METTL4: variants seen among roughly 807,000 people sequenced by gnomAD.
METTL4 encodes methyltransferase 4, N6-adenosine.
METTL4 carries 40 observed loss-of-function variants against 54.0 expected under a neutral mutation model. The observed-to-expected ratio is 0.74, with a 90% CI of 0.58 to 0.96. The LOEUF (loss-of-function observed/expected upper bound fraction) is 0.96, where lower values mean the gene tolerates loss of function less well. METTL4 is among the 50% of genes least tolerant of loss of function. METTL4 has a pLI of 0.00. For synonymous variants in METTL4, 169 were observed against 183.8 expected (o/e 0.92, Z 0.65); for missense variants, 525 against 549.0 (o/e 0.96, Z 0.44).
intron 3 of METTL4, chr18:2,562,010 C>T (rs1304202305): frequency 1.3e-5 from 2 of 152,040 alleles, no homozygotes; most frequent in Non-Finnish European, 2.9e-5. Flanking sequence ...CATTTAAAAC[C>T]CAATGTGTTT....
In METTL4 at chr18:2,552,677, G is replaced by C; in HGVS notation, c.899+18C>G. 6.3e-7 allele frequency: 1 copy of C among 1,577,730 alleles called. No homozygotes were observed. On this transcript the variant is annotated intron_variant, in intron 5 of 8. Coordinates refer to ENST00000574538, the MANE Select transcript of METTL4 (RefSeq NM_022840.5). ...ACTACAGTTTTTTTAGAAAGCAAAT[G>C]CTTTCATTTCCACTTACCTATTACT...
intron 6 of METTL4, among the ~76,000 whole-genome samples, chr18:2,546,213 C>T (rs1441606610): frequency 6.6e-6 from 1 of 152,068 alleles, no homozygotes; most frequent in Non-Finnish European, 1.5e-5. Context: ...CACAGTTTCA[C>T]TTTCCAGGTT....
rs2143450449 is a variant in METTL4 at position 2,538,452 on chromosome 18, T to C, written c.*548A>G. ...AAGTGGATGACATAAGTGAGCAGCA[T>C]GGTGGCAGTGGTACTGTGGCAAAGT... On this transcript the variant is annotated 3_prime_UTR_variant, in exon 9 of 9. Coordinates refer to ENST00000574538, the MANE Select transcript of METTL4 (RefSeq NM_022840.5). 1 of 153,256 alleles carries C rather than the reference T, an allele frequency of 6.5e-6. No individual in the cohort carries two copies. The highest frequency in any genetic ancestry group is 2.1e-4 in the South Asian group (1 of 4,860). The allele number at this position is 153,256 out of a possible 1,614,324, so 9.5% of individuals were successfully genotyped here.
intron 5 of METTL4, among the ~76,000 whole-genome samples, chr18:2,552,383 C>G (rs1331119926): frequency 1.3e-5 from 2 of 152,106 alleles, no homozygotes; most frequent in African/African-American, 4.8e-5. Flanking sequence ...CTAGAAATAT[C>G]TTGGCACATA....
In METTL4 at chr18:2,538,119, C is replaced by G. The variant is rs916255217; in HGVS notation, c.*881G>C. 5.1e-6 allele frequency: 2 copies of G among 392,166 alleles called. No individual in the cohort carries two copies. Among genetic ancestry groups the G allele is most frequent in the South Asian group, 1.4e-4 (1 of 6,992 alleles). 24.3% of individuals were successfully genotyped at this position (392,166 alleles called of 1,614,324 possible). A position where few individuals can be genotyped will look rare whatever the true frequency, so the allele number is the denominator to read the frequency against. On this transcript the variant is annotated 3_prime_UTR_variant, in exon 9 of 9. Transcript: ENST00000574538. ...TAAATCAATATGCATTTCAAAGAAT[C>G]ATTTCAGTCAAAATATTTTACTTGG...
At position 2,567,298 on chromosome 18, in the gene METTL4, T is replaced by C. The variant is rs1236763230; in HGVS notation, c.-82A>G. 4 of 1,314,536 alleles carry C rather than the reference T, an allele frequency of 3.0e-6. No homozygotes were observed. Among genetic ancestry groups the C allele is most frequent in the Non-Finnish European group, 4.2e-6 (4 of 956,332 alleles). The allele number at this position is 1,314,536 out of a possible 1,614,324, so 81.4% of individuals were successfully genotyped here. ...CCAGATCAGCTTCTTAAATATCTTG[T>C]ATTTCAATAAACATACACTTCATAC... On this transcript the variant is annotated 5_prime_UTR_variant, in exon 2 of 9. It adds an upstream start codon to the 5' untranslated region. Transcript: ENST00000574538.
rs780411881 is a variant in METTL4, at chr18:2,539,058, T to C, written c.1361A>G (p.Asn454Ser). The change falls in exon 9 of 9, where the codon AAT becomes AGT. Residue 454 changes from asparagine (N) to serine (S), a missense_variant. Physicochemically the swap from Asn to Ser is conservative, Grantham distance 46 (BLOSUM62 1). Coordinates refer to ENST00000574538, the MANE Select transcript of METTL4 (RefSeq NM_022840.5). Reference sequence around the variant, plus strand: ...CACATGCTGAAATTTGAGAACTTCATTGCCCCAACTAGTCCAACCTGGCTG... The same window carrying C: ...CACATGCTGAAATTTGAGAACTTCACTGCCCCAACTAGTCCAACCTGGCTG... ...NLQPGWTSWG[N>S]EVLKFQHVDY... 1.9e-6 allele frequency: 3 copies of C among 1,614,012 alleles called. No homozygotes were observed. Among genetic ancestry groups the C allele is most frequent in the East Asian group, 4.5e-5 (2 of 44,862 alleles).
chr18:2,566,046 C>CAAA (rs143395336), intron 2 of METTL4, among the ~76,000 whole-genome samples: 41,621 of 82,680 alleles, frequency 0.5, 7,958 homozygotes, highest in East Asian at 0.65. Flanking sequence ...GACTCTGTCT[C>CAAA]AAATAAATAA....
chr18:2,570,290 C>T (rs932894878), intron 1 of METTL4, among the ~76,000 whole-genome samples: 3 of 152,162 alleles, frequency 2.0e-5, no homozygotes, highest in African/African-American at 7.2e-5. Flanking sequence ...TTGGGGTGCA[C>T]AGCAGGAATA....
At chr18:2,562,543 A>G (rs754416484) in intron 3 of METTL4, among the ~76,000 whole-genome samples, 2 of 152,250 alleles carry the variant, frequency 1.3e-5, no homozygotes, top group Non-Finnish European at 2.9e-5. Context: ...GAACAAATAA[A>G]TGAATAAACA....
At position 2,567,429 on chromosome 18, in the gene METTL4, T is replaced by A; in HGVS notation, c.-213A>T. On this transcript the variant is annotated 5_prime_UTR_variant, in exon 2 of 9. Coordinates refer to ENST00000574538, the MANE Select transcript of METTL4 (RefSeq NM_022840.5). ...ACAGAAATTCTAAGGAAAATTGCAA[T>A]GTTTTAATATAAACTTTCTTTTTAA... The A allele has an allele frequency of 2.6e-6, 1 of 382,074 alleles. No homozygotes were observed. Among genetic ancestry groups the A allele is most frequent in the Non-Finnish European group, 4.6e-6 (1 of 218,598 alleles). The allele number at this position is 382,074 out of a possible 1,614,324, so 23.7% of individuals were successfully genotyped here. A position where few individuals can be genotyped will look rare whatever the true frequency, so the allele number is the denominator to read the frequency against.
rs1329647728 is a variant in METTL4, at chr18:2,544,227, CA to C, written c.1240del (p.Cys414ValfsTer14). Reference protein sequence around the residue: ...PDHKLIVSVPCTLHSHKPPLA... With the variant: ...PDHKLIVSVPXTLHSHKPPLA... ...CGGTGGCTTATGTGAGTGAAGAGTA[CA>C]GGGCACGCTGACAATTAATTTGTGG... On this transcript the variant is annotated frameshift_variant, in exon 8 of 9. Transcript: ENST00000574538. LOFTEE classifies it high-confidence loss of function. 1 of 1,613,072 alleles carries C rather than the reference CA, an allele frequency of 6.2e-7. No individual in the cohort carries two copies. The highest frequency in any genetic ancestry group is 1.1e-5 in the South Asian group (1 of 90,906).
At chr18:2,543,740 C>T (rs2072028392) in intron 8 of METTL4, among the ~76,000 whole-genome samples, 1 of 152,150 alleles carries the variant, frequency 6.6e-6, no homozygotes. Flanking sequence ...TGTCAATGTT[C>T]CAGAAAAGCA....
At chr18:2,542,822 T>A (rs1285923609) in intron 8 of METTL4, among the ~76,000 whole-genome samples, 3 of 152,106 alleles carry the variant, frequency 2.0e-5, no homozygotes, top group African/African-American at 7.2e-5. Context: ...TCAAATGAAG[T>A]AATACTATAA....
At chr18:2,565,646 C>G (rs1218088844) in intron 2 of METTL4, among the ~76,000 whole-genome samples, 2 of 152,126 alleles carry the variant, frequency 1.3e-5, no homozygotes, top group East Asian at 1.9e-4. Flanking sequence ...TATCTTTCTT[C>G]TTCACCGAAT....
At position 2,538,236 on chromosome 18, in the gene METTL4, C is replaced by T. The variant is rs1445008256; in HGVS notation, c.*764G>A. The T allele has an allele frequency of 3.8e-6, 1 of 263,218 alleles. No homozygotes were observed. Among genetic ancestry groups the T allele is most frequent in the Non-Finnish European group, 7.0e-6 (1 of 142,180 alleles). 16.3% of individuals were successfully genotyped at this position (263,218 alleles called of 1,614,324 possible). On this transcript the variant is annotated 3_prime_UTR_variant, in exon 9 of 9. Transcript: ENST00000574538. ...CTGCCATGTTTATTATAAGGAATAG[C>T]TTTTCATTTTCTTCTAGAAAAACAA...
intron 4 of METTL4, chr18:2,553,485 T>G (rs1040632161): frequency 6.6e-6 from 1 of 152,200 alleles, no homozygotes; most frequent in Non-Finnish European, 1.5e-5. Context: ...TTGGTTAAAG[T>G]GTTGTCTGCT....
At chr18:2,540,714 A>C in intron 8 of METTL4, 3 of 985,400 alleles carry the variant, frequency 3.0e-6, no homozygotes, top group Non-Finnish European at 3.6e-6. Context: ...ATAACCCCAC[A>C]TGGAAGAACT....
chr18:2,543,580 G>A (rs1390896380), intron 8 of METTL4, among the ~76,000 whole-genome samples: 2 of 152,048 alleles, frequency 1.3e-5, no homozygotes, highest in Non-Finnish European at 1.5e-5. Context: ...TGAGTGACTT[G>A]CCCAACTCCC....
Sources: gnomAD v4.1 joint callset for allele counts (sites outside exome capture counted in the v4.1 genomes callset) on GRCh38, gnomAD v4.1.1 for gene constraint, MANE v1.5 for transcripts, NCBI Gene and HGNC (gene_info 2026-07-23, HGNC 2026-07-21) for gene names.